The following BCAR3 variants were observed in gnomAD, a reference collection of about 807,000 sequenced individuals.
BCAR3 encodes breast cancer anti-estrogen resistance protein 3.
Under a neutral mutation model 80.1 loss-of-function variants are expected in BCAR3, and 37 were observed. That is an observed-to-expected ratio of 0.46 (90% CI 0.36 to 0.61). The LOEUF is 0.61. Ranked by LOEUF, BCAR3 falls within the 20% of genes least tolerant of loss-of-function variation. BCAR3 has a pLI of 0.00. For missense variants in BCAR3, 978 were observed against 1,068.2 expected (o/e 0.92, Z 1.18); for synonymous variants, 389 against 418.9 (o/e 0.93, Z 0.87).
intron 2 of BCAR3, among the ~76,000 whole-genome samples, chr1:93,833,738 C>T (rs781687550): frequency 2.6e-5 from 4 of 152,154 alleles, no homozygotes; most frequent in Non-Finnish European, 4.4e-5. Context: ...TGCTGTTATC[C>T]TGTTCTTTTC....
chr1:93,659,175 T>C (rs1313422403), intron 2 of BCAR3, among the ~76,000 whole-genome samples: 1 of 152,152 alleles, frequency 6.6e-6, no homozygotes, highest in Non-Finnish European at 1.5e-5. Flanking sequence ...GAAACAGAGA[T>C]AGCAACAGGT....
chr1:93,759,962 G>A (rs1651879135), intron 2 of BCAR3, among the ~76,000 whole-genome samples: 1 of 152,216 alleles, frequency 6.6e-6, no homozygotes, highest in Admixed American at 6.5e-5. Context: ...GGGCCACAGT[G>A]AAAGGTCCAG....
chr1:93,588,558 G>A (rs1248948299), intron 5 of BCAR3, among the ~76,000 whole-genome samples: 3 of 152,150 alleles, frequency 2.0e-5, no homozygotes, highest in East Asian at 1.9e-4. Context: ...CCACTGCTAC[G>A]GGTCCCTTGC....
chr1:93,669,154 C>CTGAT (rs1648083788), intron 2 of BCAR3, among the ~76,000 whole-genome samples: 1 of 152,194 alleles, frequency 6.6e-6, no homozygotes, highest in Admixed American at 6.5e-5. Flanking sequence ...GTACATCCTT[C>CTGAT]TGATTAACCC....
chr1:93,712,517 A>T (rs1332704998), intron 2 of BCAR3, among the ~76,000 whole-genome samples: 2 of 152,222 alleles, frequency 1.3e-5, no homozygotes, highest in East Asian at 3.8e-4. Context: ...TCCAGCCATC[A>T]TAAAAGTGCT....
At chr1:93,642,585 T>C (rs971510701) in intron 2 of BCAR3, among the ~76,000 whole-genome samples, 2 of 152,182 alleles carry the variant, frequency 1.3e-5, no homozygotes, top group African/African-American at 4.8e-5. Context: ...TATTTACATG[T>C]GGTAATTCTA....
chr1:93,590,243 G>C (rs1273014392), intron 4 of BCAR3: 1 of 152,230 alleles, frequency 6.6e-6, no homozygotes, highest in Non-Finnish European at 1.5e-5. Context: ...TGATGCTGCT[G>C]CTTACAGCAA....
At chr1:93,616,748 C>A (rs1248882444) in intron 3 of BCAR3, among the ~76,000 whole-genome samples, 1 of 152,206 alleles carries the variant, frequency 6.6e-6, no homozygotes, top group Non-Finnish European at 1.5e-5. Flanking sequence ...AAACACCATG[C>A]CCCTTTCGGG....
chr1:93,838,075 G>C (rs12142097), intron 2 of BCAR3, among the ~76,000 whole-genome samples: 19,774 of 152,210 alleles, frequency 0.13, 1,956 homozygotes, highest in African/African-American at 0.27. Context: ...CAGAGAAATG[G>C]GGGAAGGGAT....
At position 93,643,545 on chromosome 1, in the gene BCAR3, CAAAAAAAAAA is replaced by C. The variant is rs547667389; in HGVS notation, c.318-1212_318-1203del. On this transcript the variant is annotated intron_variant, in intron 2 of 11. Transcript: ENST00000260502. ...TGGGTGACAGAACAAGACTCTTTCT[CAAAAAAAAAA>C]AAAAAAAAAAAAAAAAAAAGAAATT... Among the ~76,000 whole-genome samples, 61 of 22,304 alleles carry C rather than the reference CAAAAAAAAAA, an allele frequency of 2.7e-3. No homozygotes were observed. The South Asian group carries it at 0.062, about 22-fold the overall frequency. 14.6% of individuals were successfully genotyped at this position (22,304 alleles called of 152,430 possible).
chr1:93,713,118 A>G (rs1253913236), intron 2 of BCAR3, among the ~76,000 whole-genome samples: 1 of 152,218 alleles, frequency 6.6e-6, no homozygotes, highest in African/African-American at 2.4e-5. Flanking sequence ...TGTGGCTAGT[A>G]TGACTGAGAA....
At chr1:93,638,862 A>G (rs1675886952) in intron 3 of BCAR3, among the ~76,000 whole-genome samples, 1 of 152,220 alleles carries the variant, frequency 6.6e-6, no homozygotes, top group Non-Finnish European at 1.5e-5. Context: ...GTGGGGGGAA[A>G]AAATTGTGAG....
chr1:93,826,078 G>C (rs962177698), intron 2 of BCAR3, among the ~76,000 whole-genome samples: 1 of 152,208 alleles, frequency 6.6e-6, no homozygotes, highest in African/African-American at 2.4e-5. Context: ...GCAAGGGAAA[G>C]AGGGGAGAGG....
intron 2 of BCAR3, among the ~76,000 whole-genome samples, chr1:93,744,628 C>T (rs903810198): frequency 3.3e-5 from 5 of 152,194 alleles, no homozygotes; most frequent in African/African-American, 1.2e-4. Flanking sequence ...CTCTCAGGCA[C>T]ATCCCATGAA....
At chr1:93,567,566 CCTTGT>C in intron 10 of BCAR3, 75 bp from the exon 11 acceptor site, 1 of 1,529,390 alleles carries the variant, frequency 6.5e-7, no homozygotes, top group Non-Finnish European at 8.9e-7. Context: ...GACTCATAGC[CCTTGT>C]CTTGTTACAG....
intron 3 of BCAR3, among the ~76,000 whole-genome samples, chr1:93,694,362 C>T (rs1175966875): frequency 1.3e-5 from 2 of 150,332 alleles, no homozygotes; most frequent in African/African-American, 4.9e-5. Context: ...TCCCAGCCAC[C>T]GTGGGATCCC....
chr1:93,581,062 T>A (rs1280054272), intron 7 of BCAR3, among the ~76,000 whole-genome samples: 1 of 151,788 alleles, frequency 6.6e-6, no homozygotes, highest in Admixed American at 6.6e-5. Context: ...CTCAGGAGGC[T>A]GAGGTGGGAG....
chr1:93,815,526 G>A (rs1282797743), intron 2 of BCAR3, among the ~76,000 whole-genome samples: 3 of 152,164 alleles, frequency 2.0e-5, no homozygotes, highest in South Asian at 4.1e-4. Flanking sequence ...TGAATATAAA[G>A]TGAACCTCAC....
intron 2 of BCAR3, among the ~76,000 whole-genome samples, chr1:93,833,022 C>T (rs1215659161): frequency 6.6e-6 from 1 of 152,100 alleles, no homozygotes; most frequent in Admixed American, 6.5e-5. Flanking sequence ...ACCTAATCAC[C>T]CTACTGGGGG....
Sources: gnomAD v4.1 joint callset for allele counts (sites outside exome capture counted in the v4.1 genomes callset) on GRCh38, gnomAD v4.1.1 for gene constraint, MANE v1.5 for transcripts, NCBI Gene and HGNC (gene_info 2026-07-23, HGNC 2026-07-21) for gene names.